DCC: variants seen among roughly 807,000 people sequenced by gnomAD.
DCC encodes netrin receptor DCC.
Under a neutral mutation model 172.5 loss-of-function variants are expected in DCC, and 58 were observed. That is an observed-to-expected ratio of 0.34 (90% CI 0.27 to 0.42). The LOEUF (loss-of-function observed/expected upper bound fraction) is 0.42. Among genes scored for constraint, DCC ranks in the 10% least tolerant of loss-of-function variants. The pLI is 1.00. For synonymous variants in DCC, 709 were observed against 644.5 expected (o/e 1.10, Z -1.52); for missense variants, 1,740 against 1,791.0 (o/e 0.97, Z 0.51).
intron 1 of DCC, among the ~76,000 whole-genome samples, chr18:52,613,236 GTTTGTTTTTGTTTTTTTCTTGT>G (rs2034307522): frequency 6.6e-6 from 1 of 151,916 alleles, no homozygotes; most frequent in South Asian, 2.1e-4. Context: ...TTGTTTGTTT[GTTTGTTTTTGTTTTTTTCTTGT>G]TTTGTTTTTG....
At chr18:52,396,281 A>AACCCCCCCCC (rs1568149503) in intron 1 of DCC, among the ~76,000 whole-genome samples, 10 of 114,274 alleles carry the variant, frequency 8.8e-5, no homozygotes, top group Non-Finnish European at 1.2e-4. Context: ...CCTGCACCAC[A>AACCCCCCCCC]CCCCCCCCCC....
intron 25 of DCC, among the ~76,000 whole-genome samples, chr18:53,480,128 T>C (rs1274885119): frequency 3.9e-5 from 6 of 152,204 alleles, no homozygotes; most frequent in Admixed American, 2.0e-4. Context: ...CTGGGCTTCA[T>C]AGACACATCT....
At position 53,069,066 on chromosome 18, in the gene DCC, G is replaced by A. The variant is rs1332687745; in HGVS notation, c.1261+2900G>A. 4.6e-5 allele frequency among the ~76,000 whole-genome samples: 7 copies of A among 152,198 alleles called. 2 individuals carry two copies. In the Middle Eastern group the frequency reaches 0.017, roughly 370 times the overall value. ...CCAGACCGAGGGCTTATATACCATG[G>A]GGAGAAGTGGTTTTGAAGGGAAGTG... On this transcript the variant is annotated intron_variant, in intron 7 of 28. Transcript: ENST00000442544.
intron 3 of DCC, among the ~76,000 whole-genome samples, chr18:52,913,995 G>GA (rs1355305551): frequency 6.6e-6 from 1 of 151,962 alleles, no homozygotes; most frequent in Non-Finnish European, 1.5e-5. Flanking sequence ...ATTCAACACT[G>GA]ACAAAATGGG....
chr18:52,526,791 C>T (rs1423648451), intron 1 of DCC, among the ~76,000 whole-genome samples: 1 of 152,104 alleles, frequency 6.6e-6, no homozygotes, highest in South Asian at 2.1e-4. Context: ...TGCACAGACA[C>T]AGTTACACAC....
intron 11 of DCC, among the ~76,000 whole-genome samples, chr18:53,214,599 A>G (rs2055816050): frequency 6.6e-6 from 1 of 152,314 alleles, no homozygotes; most frequent in East Asian, 1.9e-4. Flanking sequence ...GAACTTTTCT[A>G]TTAAACTCAT....
intron 7 of DCC, among the ~76,000 whole-genome samples, chr18:53,078,549 G>T (rs2042753636): frequency 6.6e-6 from 1 of 151,794 alleles, no homozygotes. Context: ...TTCACTTATT[G>T]TTCTATTTTG....
intron 2 of DCC, among the ~76,000 whole-genome samples, chr18:52,897,936 C>T (rs777944171): frequency 6.6e-6 from 1 of 152,222 alleles, no homozygotes; most frequent in Non-Finnish European, 1.5e-5. Flanking sequence ...ACCAAATGCC[C>T]TGCATATCTT....
chr18:52,380,516 T>G (rs193196141), intron 1 of DCC, among the ~76,000 whole-genome samples: 9 of 152,064 alleles, frequency 5.9e-5, no homozygotes, highest in Non-Finnish European at 2.9e-5. Context: ...ATCTCTAAAC[T>G]CCATTCCCCA....
At chr18:52,731,761 T>TA (rs1204827237) in intron 1 of DCC, among the ~76,000 whole-genome samples, 1 of 152,184 alleles carries the variant, frequency 6.6e-6, no homozygotes, top group African/African-American at 2.4e-5. Flanking sequence ...TTCACAGTGA[T>TA]AATTTTGATT....
At chr18:53,262,162 G>A (rs968472577) in intron 12 of DCC, among the ~76,000 whole-genome samples, 1 of 152,136 alleles carries the variant, frequency 6.6e-6, no homozygotes, top group Non-Finnish European at 1.5e-5. Flanking sequence ...AAGCCAACAT[G>A]GCAGATTAGC....
intron 5 of DCC, among the ~76,000 whole-genome samples, chr18:53,007,466 C>T (rs1309848326): frequency 6.6e-6 from 1 of 152,014 alleles, no homozygotes; most frequent in Non-Finnish European, 1.5e-5. Context: ...TAAATAAGAG[C>T]TGAGGTAGCA....
chr18:53,310,432 T>C (rs2057252775), intron 13 of DCC, among the ~76,000 whole-genome samples: 1 of 150,676 alleles, frequency 6.6e-6, no homozygotes, highest in Non-Finnish European at 1.5e-5. Context: ...GATACTCAAA[T>C]TTTTTTTTAC....
At chr18:52,889,269 A>G (rs2145418374) in intron 2 of DCC, among the ~76,000 whole-genome samples, 1 of 152,218 alleles carries the variant, frequency 6.6e-6, no homozygotes, top group Admixed American at 6.6e-5. Context: ...AAAGTGATAA[A>G]TCTAAGATTT....
intron 1 of DCC, among the ~76,000 whole-genome samples, chr18:52,489,994 G>A (rs1467281796): frequency 1.3e-5 from 2 of 152,114 alleles, no homozygotes; most frequent in African/African-American, 4.8e-5. Flanking sequence ...GTTTTCTGAT[G>A]CATACAATTA....
intron 7 of DCC, among the ~76,000 whole-genome samples, chr18:53,083,778 C>T (rs2042838639): frequency 1.3e-5 from 2 of 152,066 alleles, no homozygotes; most frequent in African/African-American, 2.4e-5. Flanking sequence ...TACTATGTTT[C>T]CAGATATTCA....
chr18:52,559,174 C>T (rs865807784), intron 1 of DCC, among the ~76,000 whole-genome samples: 1 of 152,108 alleles, frequency 6.6e-6, no homozygotes, highest in East Asian at 1.9e-4. Flanking sequence ...TGCAGTGGCA[C>T]GATCTGGGCT....
chr18:53,079,128 A>G (rs2042763200), intron 7 of DCC, among the ~76,000 whole-genome samples: 1 of 152,180 alleles, frequency 6.6e-6, no homozygotes, highest in Non-Finnish European at 1.5e-5. Context: ...GGAAAAGGGA[A>G]TAAAAGTACT....
At chr18:52,891,495 T>G (rs1277217959) in intron 2 of DCC, among the ~76,000 whole-genome samples, 1 of 152,210 alleles carries the variant, frequency 6.6e-6, no homozygotes, top group Non-Finnish European at 1.5e-5. Flanking sequence ...ATAGAAACCT[T>G]GGGGGTCAAC....
Sources: allele counts gnomAD v4.1 joint callset (sites outside exome capture counted in the v4.1 genomes callset), GRCh38; gene constraint gnomAD v4.1.1; transcripts MANE v1.5; gene names NCBI Gene and HGNC (gene_info 2026-07-23, HGNC 2026-07-21).